The following SDHC variants were observed in gnomAD, a reference collection of about 807,000 sequenced individuals.
SDHC encodes succinate dehydrogenase complex subunit C, also known as succinate dehydrogenase cytochrome b560 subunit, mitochondrial.
Under a neutral mutation model 22.6 loss-of-function variants are expected in SDHC, and 11 were observed. That is an observed-to-expected ratio of 0.49 (90% CI 0.31 to 0.81). The LOEUF (loss-of-function observed/expected upper bound fraction) is 0.81, where lower values mean the gene tolerates loss of function less well. SDHC is among the 30% of genes least tolerant of loss of function. The probability of loss-of-function intolerance (pLI) is 0.05; values close to 1 mark genes in which losing one functional copy is unlikely to be tolerated. For synonymous variants in SDHC, 80 were observed against 77.8 expected, an observed-to-expected ratio of 1.03 and a Z score of -0.15; for missense variants, 160 against 212.0, an observed-to-expected ratio of 0.75 and a Z score of 1.52.
chr1:161,316,284 C>CAGA (rs1273054630), intron 1 of SDHC, among the ~76,000 whole-genome samples: 3 of 152,232 alleles, frequency 2.0e-5, no homozygotes, highest in Admixed American at 2.0e-4. Flanking sequence ...GGCCATATTT[C>CAGA]AGACTATCAC....
At chr1:161,353,649 A>G (rs1558181296) in intron 4 of SDHC, among the ~76,000 whole-genome samples, 1 of 152,148 alleles carries the variant, frequency 6.6e-6, no homozygotes, top group Non-Finnish European at 1.5e-5. Context: ...CAAACAGCTT[A>G]TTTATTTCTT....
Position 161,332,541 on chromosome 1 carries a change from C to T in SDHC, c.179+4044C>T, listed in dbSNP as rs956999740. 5.3e-5 allele frequency among the ~76,000 whole-genome samples: 8 copies of T among 152,196 alleles called. No individual in the cohort carries two copies. In the East Asian group the frequency reaches 9.7e-4, roughly 18 times the overall value. On this transcript the variant is annotated intron_variant, in intron 3 of 5. Coordinates refer to ENST00000367975, the MANE Select transcript of SDHC (RefSeq NM_003001.5). ...TTTGAAATACAATTTGTATACCATA[C>T]GGTTCACACATTGAAAGCATACAGT...
chr1:161,344,157 G>C (rs939864991), intron 4 of SDHC, among the ~76,000 whole-genome samples: 4 of 152,208 alleles, frequency 2.6e-5, no homozygotes, highest in Non-Finnish European at 4.4e-5. Context: ...GGGCATGGTG[G>C]CGGGCACCTG....
intron 3 of SDHC, among the ~76,000 whole-genome samples, chr1:161,340,160 G>A (rs1250678997): frequency 6.6e-6 from 1 of 152,016 alleles, no homozygotes; most frequent in Non-Finnish European, 1.5e-5. Flanking sequence ...CTGGTGGCAG[G>A]CACCTGTAAT....
At chr1:161,359,071 G>A (rs929927282) in intron 5 of SDHC, among the ~76,000 whole-genome samples, 4 of 151,790 alleles carry the variant, frequency 2.6e-5, no homozygotes, top group African/African-American at 9.7e-5. Context: ...ACTCTAGCCT[G>A]GGTGACAAAA....
chr1:161,315,031 T>A (rs1670555491), intron 1 of SDHC, among the ~76,000 whole-genome samples: 1 of 151,980 alleles, frequency 6.6e-6, no homozygotes, highest in African/African-American at 2.4e-5. Flanking sequence ...GGAGGGAGAG[T>A]GAGTGTCCCA....
chr1:161,349,531 G>T lies in SDHC; in HGVS notation c.242-7146G>T, dbSNP rs369712206. ...GTCAGATGGAAGAATCAGAACTTTT[G>T]TGAGAGATTGCCTGAATTTGTAGGC... On this transcript the variant is annotated intron_variant, in intron 4 of 5. Transcript: ENST00000367975. Among the ~76,000 whole-genome samples the T allele has an allele frequency of 7.9e-5, 12 of 152,180 alleles. No homozygotes were observed. The East Asian group carries it at 1.9e-3, about 24-fold the overall frequency.
chr1:161,334,299 T>G (rs920231770), intron 3 of SDHC, among the ~76,000 whole-genome samples: 1 of 152,144 alleles, frequency 6.6e-6, no homozygotes, highest in Non-Finnish European at 1.5e-5. Context: ...CTTCTTTGAC[T>G]CCTTTCTTCT....
chr1:161,337,061 GT>G (rs1255364549), intron 3 of SDHC, among the ~76,000 whole-genome samples: 257 of 133,840 alleles, frequency 1.9e-3, no homozygotes, highest in East Asian at 4.9e-3. Context: ...GTAGAAATGG[GT>G]TTTTTTTTTT....
At chr1:161,354,663 T>TG in intron 4 of SDHC, among the ~76,000 whole-genome samples, 1 of 116,596 alleles carries the variant, frequency 8.6e-6, no homozygotes, top group Non-Finnish European at 1.7e-5. Context: ...TCTTATTTCT[T>TG]TGTGTGTGTG....
chr1:161,362,673 T>G lies in SDHC; in HGVS notation c.*240T>G, dbSNP rs570905784. 1 of 724,766 alleles carries G rather than the reference T, an allele frequency of 1.4e-6. No individual in the cohort carries two copies. Among genetic ancestry groups the G allele is most frequent in the East Asian group, 2.7e-5 (1 of 37,472 alleles). 44.9% of individuals were successfully genotyped at this position (724,766 alleles called of 1,614,324 possible). ...AAAACTCCCCTTTTTTGCCCACAGC[T>G]TGCCTACTCTCGGCCTAGAAGCAGT... On this transcript the variant is annotated 3_prime_UTR_variant, in exon 6 of 6. Transcript: ENST00000367975.
At chr1:161,323,085 A>G (rs920138623) in intron 1 of SDHC, among the ~76,000 whole-genome samples, 7 of 151,798 alleles carry the variant, frequency 4.6e-5, no homozygotes, top group African/African-American at 1.2e-4. Flanking sequence ...TGCAAGCTCC[A>G]TGTCCCAGGT....
intron 4 of SDHC, among the ~76,000 whole-genome samples, chr1:161,342,565 A>G (rs1425689467): frequency 4.0e-5 from 6 of 150,886 alleles, no homozygotes; most frequent in African/African-American, 1.2e-4. Context: ...CTGGAGTGCA[A>G]TGGCACAGCC....
chr1:161,339,583 G>A, intron 3 of SDHC: 1 of 1,262,252 alleles, frequency 7.9e-7, no homozygotes. Flanking sequence ...ATGCAGTCTG[G>A]TAAAGGTAGG....
chr1:161,363,182 A>G lies in SDHC; in HGVS notation c.*749A>G, dbSNP rs1028713926. On this transcript the variant is annotated 3_prime_UTR_variant, in exon 6 of 6. Coordinates refer to ENST00000367975, the MANE Select transcript of SDHC (RefSeq NM_003001.5). ...TTTTCTGAAACTGAATTAAATACTC[A>G]TTTTATCTTTGACTCTCCTTGAAAT... 3 of 233,608 alleles carry G rather than the reference A, an allele frequency of 1.3e-5. No homozygotes were observed. The highest frequency in any genetic ancestry group is 6.6e-5 in the African/African-American group (3 of 45,426). 14.5% of individuals were successfully genotyped at this position (233,608 alleles called of 1,614,324 possible).
At position 161,323,568 on chromosome 1, in the gene SDHC, G is replaced by GTTGATCTCTAAATGTGTATTGATT. The variant is rs1271854725; in HGVS notation, c.21-43_21-20dup. 2.7e-6 allele frequency: 4 copies of GTTGATCTCTAAATGTGTATTGATT among 1,479,928 alleles called. No homozygotes were observed. Among genetic ancestry groups the GTTGATCTCTAAATGTGTATTGATT allele is most frequent in the Non-Finnish European group, 3.8e-6 (4 of 1,058,872 alleles). 91.7% of individuals were successfully genotyped at this position (1,479,928 alleles called of 1,614,324 possible). A position where few individuals can be genotyped will look rare whatever the true frequency, so the allele number is the denominator to read the frequency against. ...AAAATAGAGAAGTTGATATACTAAA[G>GTTGATCTCTAAATGTGTATTGATT]TTGATCTCTAAATGTGTATTGATTT... On this transcript the variant is annotated intron_variant, in intron 1 of 5. Coordinates refer to ENST00000367975, the MANE Select transcript of SDHC (RefSeq NM_003001.5).
intron 5 of SDHC, among the ~76,000 whole-genome samples, chr1:161,358,664 C>T (rs1672378935): frequency 1.3e-5 from 2 of 151,438 alleles, no homozygotes; most frequent in Non-Finnish European, 2.9e-5. Flanking sequence ...CAGTGGTTCA[C>T]GCCTGTAATC....
intron 5 of SDHC, among the ~76,000 whole-genome samples, chr1:161,360,074 C>T (rs765807731): frequency 8.7e-5 from 13 of 150,218 alleles, no homozygotes; most frequent in Non-Finnish European, 1.9e-4. Flanking sequence ...TGAACTGACT[C>T]CTAATTTAGG....
chr1:161,359,733 A>C (rs902628672), intron 5 of SDHC, among the ~76,000 whole-genome samples: 5 of 152,074 alleles, frequency 3.3e-5, no homozygotes, highest in African/African-American at 1.2e-4. Context: ...ACTGGCTGTG[A>C]GTGTGGGACA....
Sources: gnomAD v4.1 joint callset for allele counts (sites outside exome capture counted in the v4.1 genomes callset) on GRCh38, gnomAD v4.1.1 for gene constraint, MANE v1.5 for transcripts, NCBI Gene and HGNC (gene_info 2026-07-23, HGNC 2026-07-21) for gene names.